Variants in RERE observed in about 807,000 individuals in gnomAD.
RERE encodes the protein arginine-glutamic acid dipeptide repeats.
RERE carries 40 observed loss-of-function variants against 146.1 expected under a neutral mutation model. The ratio of observed to expected loss-of-function variants is 0.27; its 90% CI spans 0.21 to 0.36. RERE has a LOEUF of 0.36. RERE is among the 10% of genes least tolerant of loss of function. The probability of loss-of-function intolerance (pLI) is 1.00; values close to 1 mark genes in which losing one functional copy is unlikely to be tolerated. For synonymous variants in RERE, 1,003 were observed against 866.0 expected (o/e 1.16, Z -2.78); for missense variants, 1,933 against 2,138.7 (o/e 0.90, Z 1.90).
intron 1 of RERE, among the ~76,000 whole-genome samples, chr1:8,678,694 C>T (rs919240759): frequency 6.6e-6 from 1 of 151,708 alleles, no homozygotes; most frequent in Non-Finnish European, 1.5e-5. Flanking sequence ...GACTCCATCT[C>T]CAAAAAAATA....
At chr1:8,372,872 C>T (rs1433187432) in intron 12 of RERE, among the ~76,000 whole-genome samples, 4 of 152,166 alleles carry the variant, frequency 2.6e-5, no homozygotes, top group African/African-American at 4.8e-5. Context: ...TTTTCACAAA[C>T]GAAGTTTCCA....
intron 1 of RERE, among the ~76,000 whole-genome samples, chr1:8,684,114 G>A (rs956896942): frequency 3.3e-5 from 5 of 152,156 alleles, no homozygotes; most frequent in Admixed American, 2.6e-4. Context: ...GGCCTTAAAT[G>A]ATTGCATTAA....
In RERE at chr1:8,356,048, C is replaced by T. The variant is rs1641277343; in HGVS notation, c.4486+52G>A. On this transcript the variant is annotated intron_variant, in intron 21 of 22. Coordinates refer to ENST00000400908, the MANE Select transcript of RERE (RefSeq NM_001042681.2). The surrounding 1 kb of genome is among the most constrained non-coding windows in gnomAD (Gnocchi z 5.2). The stretch of plus-strand genomic sequence containing the variant: ...ATGAATGAAGACAGCAGACCAGACC[C>T]CAACCCAACCCTCACACGGCCTCCC... 1 of 1,454,768 alleles carries T rather than the reference C, an allele frequency of 6.9e-7. No individual in the cohort carries two copies. 90.1% of individuals were successfully genotyped at this position (1,454,768 alleles called of 1,614,324 possible).
chr1:8,615,680 T>C (rs1378134663), intron 3 of RERE, among the ~76,000 whole-genome samples: 2 of 152,330 alleles, frequency 1.3e-5, no homozygotes, highest in East Asian at 1.9e-4. Flanking sequence ...CTGTTACACA[T>C]AATTCCCTTT....
At chr1:8,550,707 C>T (rs141006041) in intron 6 of RERE, among the ~76,000 whole-genome samples, 3,849 of 152,246 alleles carry the variant, frequency 0.025, 151 homozygotes, top group African/African-American at 0.088. Context: ...CCACCACACT[C>T]GGCTAATTTT....
intron 12 of RERE, among the ~76,000 whole-genome samples, chr1:8,382,957 G>A (rs903936788): frequency 8.7e-5 from 13 of 150,136 alleles, no homozygotes; most frequent in Non-Finnish European, 1.5e-4. Context: ...TCTGGGAAAA[G>A]GACCAGAAAC....
At chr1:8,596,377 G>A (rs541293236) in intron 4 of RERE, among the ~76,000 whole-genome samples, 1 of 152,266 alleles carries the variant, frequency 6.6e-6, no homozygotes, top group East Asian at 1.9e-4. Context: ...TTAAAAAGCT[G>A]ACCCAAATAC....
intron 19 of RERE, 91 bp downstream of exon 19, chr1:8,359,673 C>T: frequency 7.1e-7 from 1 of 1,400,666 alleles, no homozygotes. Context: ...CCGAGTCAGG[C>T]AGCCAAGGGC....
intron 1 of RERE, among the ~76,000 whole-genome samples, chr1:8,793,833 G>A (rs1010009062): frequency 6.6e-6 from 1 of 152,142 alleles, no homozygotes; most frequent in Admixed American, 6.5e-5. Flanking sequence ...GGGAGGCCAA[G>A]ACAGGTGGAT....
At chr1:8,574,817 A>C (rs1646270579) in intron 4 of RERE, among the ~76,000 whole-genome samples, 1 of 152,182 alleles carries the variant, frequency 6.6e-6, no homozygotes, top group South Asian at 2.1e-4. Flanking sequence ...TGGAGTGCAC[A>C]CATTTTATTT....
intron 12 of RERE, among the ~76,000 whole-genome samples, chr1:8,420,200 G>A (rs1009333486): frequency 2.0e-5 from 3 of 152,140 alleles, no homozygotes; most frequent in Non-Finnish European, 2.9e-5. Flanking sequence ...GCATGGTAGC[G>A]TGCACCTGTA....
chr1:8,389,293 T>C (rs1211714923), intron 12 of RERE, among the ~76,000 whole-genome samples: 1 of 152,206 alleles, frequency 6.6e-6, no homozygotes, highest in East Asian at 1.9e-4. Flanking sequence ...GTCAACCCAC[T>C]CTCATGTCTG....
rs1444437360 is a variant in RERE at position 8,360,350 on chromosome 1, G to A, written c.3157C>T (p.Pro1053Ser). Residue 1053 changes from proline to serine, a missense_variant, in exon 18 of 23, where the codon CCC (proline) becomes TCC (serine). Physicochemically the swap from Pro to Ser is moderately conservative, Grantham distance 74. Around this residue, in one of 11 missense-constraint regions of RERE, gnomAD observed 1,255 missense variants for 1,153.8 expected, o/e 1.09. Transcript: ENST00000400908. ...CCCGCCGGTGGGGTAGAGGTGGAGG[G>A]GCAGGTCGGAGGGGTGATGGGAGGA... ...GPPPITPPTC[P>S]STSTPPAGPG... 14 of 1,500,512 alleles carry A rather than the reference G, an allele frequency of 9.3e-6. No homozygotes were observed. Among genetic ancestry groups the A allele is most frequent in the South Asian group, 9.0e-5 (7 of 77,430 alleles). The allele number at this position is 1,500,512 out of a possible 1,614,324, so 92.9% of individuals were successfully genotyped here. A position where few individuals can be genotyped will look rare whatever the true frequency, so the allele number is the denominator to read the frequency against.
At position 8,360,681 on chromosome 1, in the gene RERE, T is replaced by C. The variant is rs1457969319; in HGVS notation, c.2826A>G (p.Pro942=). The change falls in exon 18 of 23, where the codon CCA becomes CCG. Residue 942 remains proline, a synonymous_variant. Transcript: ENST00000400908. ...PTTPIPQLPA[P]QAHKHPPHLS... ...GGTGGGGAGGGTGCTTGTGGGCCTG[T>C]GGCGCCGGCAGCTGGGGGATGGGAG... The C allele has an allele frequency of 6.6e-7, 1 of 1,511,094 alleles. No homozygotes were observed. Among genetic ancestry groups the C allele is most frequent in the Admixed American group, 2.1e-5 (1 of 48,130 alleles). 93.6% of individuals were successfully genotyped at this position (1,511,094 alleles called of 1,614,324 possible).
intron 8 of RERE, among the ~76,000 whole-genome samples, chr1:8,499,414 G>T (rs1473258708): frequency 2.0e-5 from 3 of 152,342 alleles, no homozygotes; most frequent in Admixed American, 6.5e-5. Flanking sequence ...TGGATGTGCA[G>T]GTGTGAAGAA....
At chr1:8,552,993 C>T (rs1645955725) in intron 6 of RERE, among the ~76,000 whole-genome samples, 2 of 151,342 alleles carry the variant, frequency 1.3e-5, no homozygotes. Context: ...AGTAGGCCAG[C>T]TCGTCCACAC....
chr1:8,529,123 A>G (rs1645606178), intron 7 of RERE, among the ~76,000 whole-genome samples: 1 of 152,174 alleles, frequency 6.6e-6, no homozygotes, highest in Non-Finnish European at 1.5e-5. Context: ...GCAAAATACT[A>G]ACAACTGGTG....
intron 7 of RERE, among the ~76,000 whole-genome samples, chr1:8,527,807 T>C: frequency 6.6e-6 from 1 of 151,442 alleles, no homozygotes; most frequent in Non-Finnish European, 1.5e-5. Flanking sequence ...AGGGGCAGCG[T>C]ACCCCAGCGG....
intron 1 of RERE, among the ~76,000 whole-genome samples, chr1:8,771,025 G>C (rs1640938626): frequency 6.6e-6 from 1 of 152,016 alleles, no homozygotes; most frequent in Non-Finnish European, 1.5e-5. Flanking sequence ...GTGGGTCTCA[G>C]TACAGTATGT....
Sources: gnomAD v4.1 joint callset for allele counts (sites outside exome capture counted in the v4.1 genomes callset) on GRCh38, gnomAD v4.1.1 for gene constraint, gnomAD v4.1.1 regional missense constraint, Gnocchi (gnomAD v3.1) non-coding constraint, MANE v1.5 for transcripts, NCBI Gene and HGNC (gene_info 2026-07-23, HGNC 2026-07-21) for gene names.